Variants in EHMT1 observed in about 807,000 individuals in gnomAD.
EHMT1 encodes histone-lysine N-methyltransferase EHMT1.
Under a neutral mutation model 147.2 loss-of-function variants are expected in EHMT1, and 15 were observed. The ratio of observed to expected loss-of-function variants is 0.10; its 90% CI spans 0.07 to 0.16. The LOEUF is 0.16. Among genes scored for constraint, EHMT1 ranks in the 10% least tolerant of loss-of-function variants. The probability of loss-of-function intolerance (pLI) is 1.00; values close to 1 mark genes in which losing one functional copy is unlikely to be tolerated. For missense variants in EHMT1, 1,587 were observed against 1,772.4 expected (o/e 0.90, Z 1.88); for synonymous variants, 795 against 709.6 (o/e 1.12, Z -1.91).
chr9:137,807,716 C>G (rs1312754867), intron 18 of EHMT1, among the ~76,000 whole-genome samples: 6 of 152,090 alleles, frequency 3.9e-5, no homozygotes, highest in Non-Finnish European at 7.4e-5. Flanking sequence ...CCACGTTGCC[C>G]AGGCTGGTCT....
Position 137,752,397 on chromosome 9 carries a change from G to A in EHMT1, c.1237G>A (p.Glu413Lys), listed in dbSNP as rs1949039443. The A allele has an allele frequency of 1.2e-6, 2 of 1,613,908 alleles. No homozygotes were observed. The highest frequency in any genetic ancestry group is 1.7e-6 in the Non-Finnish European group (2 of 1,179,934). Residue 413 changes from glutamate to lysine, a missense_variant, in exon 7 of 27, where the codon GAG becomes AAG. Transcript: ENST00000460843. ...CGGGGAGGAGGAGGAAGGCGGTGAC[G>A]AGTCTGACCTGGTAATGCCCAGCGC... ...DTGEEEEGGD[E>K]SDLSSESSIK... is the part of the protein sequence containing the mutation.
chr9:137,697,963 G>A (rs966968132), intron 1 of EHMT1, among the ~76,000 whole-genome samples: 25 of 150,902 alleles, frequency 1.7e-4, no homozygotes, highest in Admixed American at 2.6e-4. Flanking sequence ...CGTGGCTCGC[G>A]GAGGCCTCAC....
intron 4 of EHMT1, among the ~76,000 whole-genome samples, chr9:137,740,914 T>A (rs2136001587): frequency 6.6e-6 from 1 of 152,016 alleles, no homozygotes; most frequent in African/African-American, 2.4e-5. Flanking sequence ...GTGATTCACC[T>A]GCCTCAGACT....
chr9:137,669,723 CT>C (rs1940313594), intron 1 of EHMT1, among the ~76,000 whole-genome samples: 1 of 151,560 alleles, frequency 6.6e-6, no homozygotes, highest in Admixed American at 6.6e-5. Context: ...TTTGTTTTTT[CT>C]CTTTTTTTAA....
At chr9:137,650,665 G>GC (rs1386270649) in intron 1 of EHMT1, among the ~76,000 whole-genome samples, 13 of 141,432 alleles carry the variant, frequency 9.2e-5, no homozygotes, top group African/African-American at 3.4e-4. Context: ...AGGACCCCCC[G>GC]CTTTTTTTTT....
At chr9:137,629,890 A>G (rs1489738724) in intron 1 of EHMT1, among the ~76,000 whole-genome samples, 4 of 152,198 alleles carry the variant, frequency 2.6e-5, no homozygotes, top group African/African-American at 9.7e-5. Context: ...AGAAAGCATT[A>G]CTTCCAGGAC....
chr9:137,651,941 A>C (rs1181250253), intron 1 of EHMT1, among the ~76,000 whole-genome samples: 2 of 152,214 alleles, frequency 1.3e-5, no homozygotes, highest in Non-Finnish European at 2.9e-5. Context: ...ACATACAGTT[A>C]TGTGCAGTAC....
intron 26 of EHMT1, 81 bp downstream of exon 26, chr9:137,834,605 C>T: frequency 6.9e-6 from 11 of 1,599,318 alleles, no homozygotes; most frequent in Middle Eastern, 1.8e-4. Flanking sequence ...CTTTCCTGGG[C>T]TTGTCTCGGG....
intron 23 of EHMT1, chr9:137,816,451 T>A: frequency 4.7e-5 from 16 of 341,726 alleles, no homozygotes; most frequent in Admixed American, 1.2e-4. Flanking sequence ...TCTCTGGGCT[T>A]CCCTAACAGT....
At chr9:137,722,799 G>A (rs965480026) in intron 3 of EHMT1, among the ~76,000 whole-genome samples, 8 of 152,224 alleles carry the variant, frequency 5.3e-5, no homozygotes, top group Non-Finnish European at 1.0e-4. Context: ...CCCCACGGAG[G>A]TGGTGTGGCA....
intron 1 of EHMT1, among the ~76,000 whole-genome samples, chr9:137,678,734 AC>A (rs1941645521): frequency 1.4e-5 from 2 of 140,098 alleles, no homozygotes; most frequent in Admixed American, 7.2e-5. Context: ...CCCCCGAAAA[AC>A]GTATTGCACT....
chr9:137,729,039 G>A (rs1234421371), intron 4 of EHMT1, among the ~76,000 whole-genome samples: 4 of 152,194 alleles, frequency 2.6e-5, no homozygotes, highest in Non-Finnish European at 4.4e-5. Flanking sequence ...GGGACCTTTT[G>A]TGGGAGGTGC....
At chr9:137,812,678 T>C (rs1412243467) in intron 19 of EHMT1, among the ~76,000 whole-genome samples, 2 of 152,254 alleles carry the variant, frequency 1.3e-5, no homozygotes, top group African/African-American at 2.4e-5. Context: ...CCTCTCTCCC[T>C]CCTTGCTTCC....
chr9:137,715,800 A>T, intron 2 of EHMT1: 1 of 985,290 alleles, frequency 1.0e-6, no homozygotes, highest in Non-Finnish European at 1.2e-6. Context: ...TCTGTTAGTT[A>T]TTGTGAAGCC....
chr9:137,678,036 T>G (rs1941549127), intron 1 of EHMT1, among the ~76,000 whole-genome samples: 1 of 152,000 alleles, frequency 6.6e-6, no homozygotes, highest in Non-Finnish European at 1.5e-5. Context: ...GCCACTGCAC[T>G]CCAGCCTGGG....
chr9:137,778,182 C>T (rs1321038507), intron 13 of EHMT1, 127 bp downstream of exon 13: 61 of 1,255,264 alleles, frequency 4.9e-5, no homozygotes, highest in Non-Finnish European at 6.4e-5. Flanking sequence ...TAGAATAATT[C>T]GTATATTTTC....
chr9:137,659,456 G>C (rs1938835807), intron 1 of EHMT1, among the ~76,000 whole-genome samples: 1 of 151,786 alleles, frequency 6.6e-6, no homozygotes, highest in African/African-American at 2.4e-5. Flanking sequence ...TGTTCCCCAG[G>C]CTGGACTTGA....
At chr9:137,681,846 C>G (rs1344395260) in intron 1 of EHMT1, among the ~76,000 whole-genome samples, 1 of 152,142 alleles carries the variant, frequency 6.6e-6, no homozygotes, top group African/African-American at 2.4e-5. Context: ...CTCATTCATT[C>G]CCTGGAAAGT....
At chr9:137,717,468 G>C (rs1945446391) in intron 3 of EHMT1, among the ~76,000 whole-genome samples, 1 of 151,936 alleles carries the variant, frequency 6.6e-6, no homozygotes, top group Non-Finnish European at 1.5e-5. Flanking sequence ...AAATTAACTG[G>C]GCATAGTGGT....
Sources: gnomAD v4.1 joint callset for allele counts (sites outside exome capture counted in the v4.1 genomes callset) on GRCh38, gnomAD v4.1.1 for gene constraint, MANE v1.5 for transcripts, NCBI Gene and HGNC (gene_info 2026-07-23, HGNC 2026-07-21) for gene names.